The following TENM3 variants were observed in gnomAD, a reference collection of about 807,000 sequenced individuals.
TENM3 encodes the protein teneurin-3.
Under a neutral mutation model 255.1 loss-of-function variants are expected in TENM3, and 63 were observed. That is an observed-to-expected ratio of 0.25 (90% CI 0.20 to 0.30). The LOEUF is 0.30. Among genes scored for constraint, TENM3 ranks in the 10% least tolerant of loss-of-function variants. The pLI is 1.00. For missense variants in TENM3, 2,929 were observed against 3,461.1 expected (o/e 0.85, Z 3.86); for synonymous variants, 1,306 against 1,322.3 (o/e 0.99, Z 0.27).
the TENM3 span, among the ~76,000 whole-genome samples, chr4:181,504,959 C>T: frequency 1.3e-5 from 2 of 152,322 alleles, no homozygotes; most frequent in East Asian, 3.9e-4. Context: ...CTGACAGAGC[C>T]TGCGACACTG....
At chr4:182,327,627 A>G (rs1485229137) in intron 2 of TENM3, among the ~76,000 whole-genome samples, 1 of 152,168 alleles carries the variant, frequency 6.6e-6, no homozygotes, top group African/African-American at 2.4e-5. Flanking sequence ...TCATTGTGTA[A>G]TTTGACGGGA....
chr4:182,454,793 A>G (rs187684241), intron 3 of TENM3, among the ~76,000 whole-genome samples: 1 of 152,342 alleles, frequency 6.6e-6, no homozygotes, highest in East Asian at 1.9e-4. Flanking sequence ...TTGAACAAGT[A>G]TTGTTCAATA....
At position 182,250,253 on chromosome 4, in the gene TENM3, T is replaced by C. The variant is rs868453238; in HGVS notation, c.-76+6777T>C. On this transcript the variant is annotated intron_variant, in intron 1 of 27. Coordinates refer to ENST00000511685, the MANE Select transcript of TENM3 (RefSeq NM_001080477.4). Reference sequence around the variant, plus strand: ...ATTTTTAGTAGAGACGGGGTTTCACTGTGTTAGCCAGGATGGTCTCGATCT... The same window carrying C: ...ATTTTTAGTAGAGACGGGGTTTCACCGTGTTAGCCAGGATGGTCTCGATCT... Among the ~76,000 whole-genome samples, 102 of 150,010 alleles carry C rather than the reference T, an allele frequency of 6.8e-4. 2 individuals are homozygous for C. Among genetic ancestry groups the C allele is most frequent in the South Asian group, 8.3e-4 (4 of 4,800 alleles).
the TENM3 span, among the ~76,000 whole-genome samples, chr4:181,555,473 C>G: frequency 6.6e-6 from 1 of 152,036 alleles, no homozygotes; most frequent in African/African-American, 2.4e-5. Context: ...ATTTGAAATC[C>G]AATTTAAATA....
At chr4:181,864,100 A>G in the TENM3 span, among the ~76,000 whole-genome samples, 1 of 152,140 alleles carries the variant, frequency 6.6e-6, no homozygotes, top group Non-Finnish European at 1.5e-5. Context: ...CCTGGCTTAG[A>G]GTTCTCAGTT....
intron 3 of TENM3, among the ~76,000 whole-genome samples, chr4:182,468,876 G>A (rs1732855178): frequency 6.8e-6 from 1 of 147,078 alleles, no homozygotes. Flanking sequence ...GTGTGTATGT[G>A]CATGTTGATT....
At chr4:182,240,908 G>A (rs1757212835), upstream of TENM3, among the ~76,000 whole-genome samples, 1 of 152,162 alleles carries the variant, frequency 6.6e-6, no homozygotes. Flanking sequence ...TGAGGCCCCT[G>A]GGCAGGATGG....
chr4:182,050,346 T>C, the TENM3 span, among the ~76,000 whole-genome samples: 1,351 of 152,242 alleles, frequency 8.9e-3, 15 homozygotes, highest in African/African-American at 0.03. Flanking sequence ...ATACAAAAGA[T>C]GAATCAAACA....
At chr4:182,200,271 G>T (rs563940185) in intron 1 of TENM3, among the ~76,000 whole-genome samples, 6 of 152,136 alleles carry the variant, frequency 3.9e-5, no homozygotes, top group African/African-American at 1.2e-4. Flanking sequence ...AAAAACTTAG[G>T]TGTTAGAAAT....
chr4:181,751,485 T>C, the TENM3 span, among the ~76,000 whole-genome samples: 1 of 151,604 alleles, frequency 6.6e-6, no homozygotes, highest in Non-Finnish European at 1.5e-5. Context: ...ACACTTCTTC[T>C]ATGACCCATT....
chr4:182,559,205 T>G (rs1416147432), intron 3 of TENM3, among the ~76,000 whole-genome samples: 1 of 151,004 alleles, frequency 6.6e-6, no homozygotes, highest in African/African-American at 2.4e-5. Context: ...AGCGCTTACG[T>G]TAACTGACAT....
chr4:182,120,943 G>A, the TENM3 span, among the ~76,000 whole-genome samples: 8 of 152,208 alleles, frequency 5.3e-5, no homozygotes, highest in East Asian at 9.7e-4. Context: ...ACTTGTATAC[G>A]CATTGTAGGA....
At chr4:182,524,840 CA>C (rs11354238) in intron 3 of TENM3, among the ~76,000 whole-genome samples, 113,807 of 122,958 alleles carry the variant, frequency 0.93, 52,450 homozygotes, top group Middle Eastern at 0.95. Context: ...TCTGTCTCTA[CA>C]AAAAAAAAAA....
At chr4:182,725,890 G>A (rs1238043526) in intron 13 of TENM3, among the ~76,000 whole-genome samples, 8 of 151,876 alleles carry the variant, frequency 5.3e-5, no homozygotes, top group African/African-American at 1.7e-4. Context: ...CACCCGCCTC[G>A]GCCTCCCAAA....
At chr4:182,648,544 A>G (rs1752958413) in intron 5 of TENM3, among the ~76,000 whole-genome samples, 1 of 152,118 alleles carries the variant, frequency 6.6e-6, no homozygotes, top group Non-Finnish European at 1.5e-5. Flanking sequence ...GCCTCACAAA[A>G]TGCTAGGTAG....
chr4:181,958,208 T>G, the TENM3 span, among the ~76,000 whole-genome samples: 1 of 152,220 alleles, frequency 6.6e-6, no homozygotes, highest in Non-Finnish European at 1.5e-5. Context: ...TAATCTTGCC[T>G]GTTCTGGTTC....
rs1396968361 is a variant in TENM3, at chr4:182,789,329, G to A, written c.5541G>A (p.Gly1847=). The change falls in exon 25 of 28, where the codon GGG becomes GGA. Residue 1847 remains glycine, a synonymous_variant. Transcript: ENST00000511685. This position sits in a 1 kb window ranked among gnomAD's most constrained non-coding sequence, Gnocchi z 4.4. ...AGAAAGTAGATTATGACGGACAGGG[G>A]AGGATCGTGTCTCGGGTCTTTGCTG... ...TSEKVDYDGQ[G]RIVSRVFADG... is the part of the protein sequence containing the mutation. 1 of 1,613,884 alleles carries A rather than the reference G, an allele frequency of 6.2e-7. No individual in the cohort carries two copies. The highest frequency in any genetic ancestry group is 1.1e-5 in the South Asian group (1 of 91,016).
chr4:181,789,256 T>A, the TENM3 span, among the ~76,000 whole-genome samples: 2 of 138,974 alleles, frequency 1.4e-5, no homozygotes, highest in Non-Finnish European at 1.5e-5. Context: ...TATTTTATTT[T>A]ATTTATTTTA....
At chr4:181,820,840 A>C in the TENM3 span, among the ~76,000 whole-genome samples, 1 of 152,100 alleles carries the variant, frequency 6.6e-6, no homozygotes, top group African/African-American at 2.4e-5. Flanking sequence ...TTTTTCCCTT[A>C]TGTATTTTAT....
Sources: allele counts gnomAD v4.1 joint callset (sites outside exome capture counted in the v4.1 genomes callset), GRCh38; gene constraint gnomAD v4.1.1; non-coding constraint Gnocchi (gnomAD v3.1); transcripts MANE v1.5; gene names NCBI Gene and HGNC (gene_info 2026-07-23, HGNC 2026-07-21).